The following ST18 variants were observed in gnomAD, a reference collection of about 807,000 sequenced individuals.
ST18 encodes ST18 C2H2C-type zinc finger transcription factor.
ST18 carries 50 observed loss-of-function variants against 110.0 expected under a neutral mutation model. The ratio of observed to expected loss-of-function variants is 0.45; its 90% CI spans 0.36 to 0.58. ST18 has a LOEUF of 0.58. Among genes scored for constraint, ST18 ranks in the 20% least tolerant of loss-of-function variants. The pLI is 0.00. For synonymous variants in ST18, 461 were observed against 452.4 expected (o/e 1.02, Z -0.24); for missense variants, 1,306 against 1,280.1 (o/e 1.02, Z -0.31).
At chr8:52,215,725 A>G (rs191933591) in intron 6 of ST18, among the ~76,000 whole-genome samples, 44 of 152,228 alleles carry the variant, frequency 2.9e-4, no homozygotes, top group African/African-American at 1.0e-3. Flanking sequence ...TTTCCTGTCA[A>G]TTTTCCTTCT....
At chr8:52,388,878 A>C (rs555503772) in intron 2 of ST18, among the ~76,000 whole-genome samples, 6 of 149,696 alleles carry the variant, frequency 4.0e-5, no homozygotes, top group Admixed American at 6.7e-5. Flanking sequence ...TGATGAGTTA[A>C]TGGGTGCAGC....
intron 2 of ST18, among the ~76,000 whole-genome samples, chr8:52,369,676 T>C (rs1829533477): frequency 1.3e-5 from 2 of 152,010 alleles, no homozygotes; most frequent in African/African-American, 2.4e-5. Context: ...ATTTAAAATG[T>C]CATAAAAAGG....
intron 2 of ST18, among the ~76,000 whole-genome samples, chr8:52,335,343 G>C (rs539898052): frequency 0.058 from 8,865 of 152,072 alleles, 553 homozygotes; most frequent in African/African-American, 0.15. Flanking sequence ...CCTGCCTCAG[G>C]GATCCACCAC....
intron 15 of ST18, among the ~76,000 whole-genome samples, chr8:52,156,945 T>C (rs1009356535): frequency 2.6e-5 from 4 of 152,196 alleles, no homozygotes; most frequent in African/African-American, 9.6e-5. Context: ...TCCACCCTCG[T>C]CACCACATCA....
At chr8:52,181,791 C>G (rs1333625024) in intron 8 of ST18, among the ~76,000 whole-genome samples, 1 of 152,118 alleles carries the variant, frequency 6.6e-6, no homozygotes, top group Non-Finnish European at 1.5e-5. Context: ...CAAGTCCACA[C>G]CGTAGATTAT....
intron 8 of ST18, among the ~76,000 whole-genome samples, chr8:52,187,370 A>G (rs1588032402): frequency 6.6e-6 from 1 of 152,224 alleles, no homozygotes; most frequent in African/African-American, 2.4e-5. Context: ...GAAAGAGTCC[A>G]GATTTGAACT....
At chr8:52,265,406 C>T (rs914180041) in intron 2 of ST18, among the ~76,000 whole-genome samples, 4 of 152,232 alleles carry the variant, frequency 2.6e-5, no homozygotes, top group Non-Finnish European at 4.4e-5. Flanking sequence ...TAAACACAAT[C>T]TGACTTCTGT....
intron 3 of ST18, among the ~76,000 whole-genome samples, chr8:52,224,483 A>T (rs1156965296): frequency 6.6e-6 from 1 of 152,186 alleles, no homozygotes; most frequent in Non-Finnish European, 1.5e-5. Context: ...ACTGAATTTC[A>T]TTTAAGATGT....
chr8:52,151,676 G>A (rs146139362), intron 15 of ST18, among the ~76,000 whole-genome samples: 142 of 152,216 alleles, frequency 9.3e-4, no homozygotes, highest in African/African-American at 3.3e-3. Flanking sequence ...TTTTGGCTTC[G>A]TAGCTGATAT....
chr8:52,354,674 A>G (rs1821876308), intron 2 of ST18, among the ~76,000 whole-genome samples: 1 of 152,310 alleles, frequency 6.6e-6, no homozygotes, highest in Non-Finnish European at 1.5e-5. Flanking sequence ...GGAAAGGGGA[A>G]AGGAATACAT....
intron 2 of ST18, among the ~76,000 whole-genome samples, chr8:52,318,164 A>G (rs550263566): frequency 1.3e-5 from 2 of 152,324 alleles, no homozygotes; most frequent in South Asian, 4.1e-4. Context: ...ATCTATAAGC[A>G]ACTTAAATTT....
chr8:52,370,539 C>T (rs1166488864), intron 2 of ST18, among the ~76,000 whole-genome samples: 9 of 152,180 alleles, frequency 5.9e-5, no homozygotes, highest in Middle Eastern at 3.4e-3. Flanking sequence ...CTTGAAGGAG[C>T]CACACATGCA....
chr8:52,287,183 T>C (rs2095484678), intron 2 of ST18, among the ~76,000 whole-genome samples: 2 of 152,096 alleles, frequency 1.3e-5, no homozygotes, highest in Non-Finnish European at 2.9e-5. Context: ...CCAGAGAAAT[T>C]AGAAGAAATT....
intron 21 of ST18, 22 bp downstream of exon 21, chr8:52,133,035 A>G: frequency 1.2e-6 from 2 of 1,611,754 alleles, no homozygotes; most frequent in East Asian, 2.2e-5. Flanking sequence ...GCTGACCCCC[A>G]TGTCTCAACT....
At chr8:52,329,022 G>C (rs554073555) in intron 2 of ST18, among the ~76,000 whole-genome samples, 22 of 152,156 alleles carry the variant, frequency 1.4e-4, no homozygotes, top group Admixed American at 1.4e-3. Context: ...TGTGCCCTGA[G>C]GATTCATTTA....
At chr8:52,259,781 C>A (rs2094629639) in intron 2 of ST18, among the ~76,000 whole-genome samples, 1 of 152,194 alleles carries the variant, frequency 6.6e-6, no homozygotes, top group African/African-American at 2.4e-5. Context: ...TTGTCACAGA[C>A]TCCATGCTCT....
intron 2 of ST18, among the ~76,000 whole-genome samples, chr8:52,389,386 C>A (rs927398051): frequency 2.0e-5 from 3 of 152,278 alleles, no homozygotes; most frequent in African/African-American, 7.2e-5. Context: ...CCTGGAGGAG[C>A]TCTTCTGGAT....
At position 52,271,258 on chromosome 8, in the gene ST18, T is replaced by C. The variant is rs140491799; in HGVS notation, c.-464-41181A>G. ...ACTGCACCAAAGTGTATCCATGTAT[T>C]TAAAGTGTTTGATACTCTCTTCCAG... On this transcript the variant is annotated intron_variant, in intron 2 of 25. Coordinates refer to ENST00000689386, the MANE Select transcript of ST18 (RefSeq NM_001352837.2). Among the ~76,000 whole-genome samples the C allele has an allele frequency of 4.2e-3, 636 of 152,320 alleles. 3 individuals carry two copies. The highest frequency in any genetic ancestry group is 0.015 in the African/African-American group (610 of 41,582).
chr8:52,152,150 G>A (rs769914399), intron 15 of ST18, among the ~76,000 whole-genome samples: 14 of 150,746 alleles, frequency 9.3e-5, no homozygotes, highest in Admixed American at 2.6e-4. Context: ...GAGAGCGGGC[G>A]GCTCACTGGG....
Sources: gnomAD v4.1 joint callset for allele counts (sites outside exome capture counted in the v4.1 genomes callset) on GRCh38, gnomAD v4.1.1 for gene constraint, MANE v1.5 for transcripts, NCBI Gene and HGNC (gene_info 2026-07-23, HGNC 2026-07-21) for gene names.